Variants in DDX60 observed in about 807,000 individuals in gnomAD.
The protein encoded by DDX60 is DExD/H-box helicase 60, also known as probable ATP-dependent RNA helicase DDX60.
A neutral mutation model predicts 212.8 loss-of-function variants in DDX60; 165 were observed. The observed-to-expected ratio is 0.78, with a 90% confidence interval of 0.68 to 0.88. The LOEUF (loss-of-function observed/expected upper bound fraction) is 0.88, where lower values mean the gene tolerates loss of function less well. DDX60 is among the 40% of genes least tolerant of loss of function. The probability of loss-of-function intolerance (pLI) is 0.00; values close to 1 mark genes in which losing one functional copy is unlikely to be tolerated. For synonymous variants in DDX60, 703 were observed against 685.3 expected (o/e 1.03, Z -0.40); for missense variants, 1,905 against 2,003.9 (o/e 0.95, Z 0.94).
intron 37 of DDX60, among the ~76,000 whole-genome samples, chr4:168,219,471 A>G (rs903296040): frequency 6.6e-6 from 1 of 152,112 alleles, no homozygotes; most frequent in African/African-American, 2.4e-5. Flanking sequence ...CTCTGGAGAT[A>G]ATAACTTCAG....
At chr4:168,293,371 A>C (rs1736192151) in intron 7 of DDX60, among the ~76,000 whole-genome samples, 1 of 152,218 alleles carries the variant, frequency 6.6e-6, no homozygotes, top group Non-Finnish European at 1.5e-5. Context: ...GTTTGGTTTG[A>C]AAAATGTTAC....
At chr4:168,249,800 A>G (rs1214411894) in intron 28 of DDX60, among the ~76,000 whole-genome samples, 1 of 152,208 alleles carries the variant, frequency 6.6e-6, no homozygotes, top group African/African-American at 2.4e-5. Context: ...AAAGTTGCAA[A>G]TGCTACATCT....
chr4:168,286,422 CGAG>C (rs1560859622), intron 10 of DDX60, among the ~76,000 whole-genome samples: 125 of 57,846 alleles, frequency 2.2e-3, no homozygotes, highest in East Asian at 0.011. Context: ...ACACACCACA[CGAG>C]ATAGATAGAT....
intron 13 of DDX60, among the ~76,000 whole-genome samples, chr4:168,281,040 T>C (rs1332499204): frequency 6.6e-6 from 1 of 152,144 alleles, no homozygotes; most frequent in Admixed American, 6.5e-5. Flanking sequence ...CTTGGGAGGC[T>C]GAGGCATGAG....
the DDX60 span, among the ~76,000 whole-genome samples, chr4:168,325,643 CT>C: frequency 0.57 from 86,163 of 152,014 alleles, 25,650 homozygotes; most frequent in East Asian, 0.76. Flanking sequence ...CTGCCACAGG[CT>C]TTTTCAACAC....
At chr4:168,283,664 T>C (rs1579047487) in intron 12 of DDX60, 58 bp from the exon 13 acceptor site, 1 of 1,273,358 alleles carries the variant, frequency 7.9e-7, no homozygotes, top group African/African-American at 1.5e-5. Context: ...AGCATTCTCA[T>C]CAATTCTTCA....
rs1298760189 is a variant in DDX60, at chr4:168,273,982, CA to C, written c.2405del (p.Val802GlyfsTer2). 1.2e-6 allele frequency: 2 copies of C among 1,614,226 alleles called. No homozygotes were observed. The highest frequency in any genetic ancestry group is 1.7e-6 in the Non-Finnish European group (2 of 1,180,026). On this transcript the variant is annotated frameshift_variant, in exon 17 of 38. Coordinates refer to ENST00000393743, the MANE Select transcript of DDX60 (RefSeq NM_017631.6). LOFTEE classifies it high-confidence loss of function. ...TYASYYCMEKVLKESDDGVVV... is the reference protein window; with the variant it reads ...TYASYYCMEKXLKESDDGVVV... ...CCACCCCGTCGTCGCTCTCCTTCAG[CA>C]CTTTCTCCATACAGTAGTAGGAGGC...
Position 168,306,688 on chromosome 4 carries a change from T to G in DDX60, c.297A>C (p.Glu99Asp). 6.2e-7 allele frequency: 1 copy of G among 1,613,524 alleles called. No individual in the cohort carries two copies. The highest frequency in any genetic ancestry group is 8.5e-7 in the Non-Finnish European group (1 of 1,179,552). The change falls in exon 5 of 38, where the codon GAA becomes GAC. Residue 99 changes from glutamate to aspartate, a missense_variant. Glu to Asp is a conservative substitution (Grantham distance 45, BLOSUM62 2). Coordinates refer to ENST00000393743, the MANE Select transcript of DDX60 (RefSeq NM_017631.6). ...DAEYAYFNFP[E>D]LLSLRTALIL... Reference sequence around the variant, plus strand: ...TTAAAGCAGTTCTCAAAGAAAGAAGTTCAGGGAAGTTGAAATACGCATACT... The same window carrying G: ...TTAAAGCAGTTCTCAAAGAAAGAAGGTCAGGGAAGTTGAAATACGCATACT...
intron 33 of DDX60, among the ~76,000 whole-genome samples, chr4:168,233,297 T>C (rs1416280482): frequency 1.3e-5 from 2 of 152,146 alleles, no homozygotes; most frequent in Non-Finnish European, 2.9e-5. Context: ...GAAAACAGTA[T>C]GGAGATTCCT....
chr4:168,278,871 T>C (rs913874134), intron 14 of DDX60, among the ~76,000 whole-genome samples: 2 of 152,136 alleles, frequency 1.3e-5, no homozygotes, highest in East Asian at 1.9e-4. Context: ...AGAGGCTCCA[T>C]CTGCCAATGA....
chr4:168,297,378 G>GAA (rs997773887), intron 6 of DDX60, among the ~76,000 whole-genome samples: 2 of 53,876 alleles, frequency 3.7e-5, no homozygotes, highest in Non-Finnish European at 6.9e-5. Flanking sequence ...AAGAAAGAAA[G>GAA]AAAGAGAAAG....
In DDX60 at chr4:168,216,913, G is replaced by T. The variant is rs369028315; in HGVS notation, c.*20C>A. 1.4e-6 allele frequency: 2 copies of T among 1,470,570 alleles called. No homozygotes were observed. The highest frequency in any genetic ancestry group is 1.9e-6 in the Non-Finnish European group (2 of 1,078,458). 91.1% of individuals were successfully genotyped at this position (1,470,570 alleles called of 1,614,324 possible). A position where few individuals can be genotyped will look rare whatever the true frequency, so the allele number is the denominator to read the frequency against. ...AACTACTATGGAATTATTTTTAAGT[G>T]GTTTGCATAGACTTTGTTTTTAGAC... On this transcript the variant is annotated 3_prime_UTR_variant, in exon 38 of 38. Coordinates refer to ENST00000393743, the MANE Select transcript of DDX60 (RefSeq NM_017631.6).
chr4:168,320,918 T>C (rs1158538445), upstream of DDX60, among the ~76,000 whole-genome samples: 1 of 152,236 alleles, frequency 6.6e-6, no homozygotes. Flanking sequence ...CTCTATTACA[T>C]AATTTCATCA....
intron 23 of DDX60, 53 bp from the exon 24 acceptor site, chr4:168,262,181 G>A (rs1734650672): frequency 1.3e-6 from 2 of 1,545,636 alleles, no homozygotes; most frequent in African/African-American, 1.4e-5. Flanking sequence ...AAATCCAAAA[G>A]TATTTCTCAA....
Position 168,224,258 on chromosome 4 carries a change from T to C in DDX60, c.4809A>G (p.Leu1603=), listed in dbSNP as rs2149491081. 1 of 1,612,372 alleles carries C rather than the reference T, an allele frequency of 6.2e-7. No homozygotes were observed. The highest frequency in any genetic ancestry group is 1.1e-5 in the South Asian group (1 of 91,028). ...SGNFDDDLLR[L]ETPNHVTLGT... The stretch of plus-strand genomic sequence containing the variant: ...CTTCACTTACATGGTTTGGAGTTTC[T>C]AGTCGAAGCAAATCATCATCAAAGT... Residue 1603 remains leucine, a synonymous_variant, in exon 35 of 38, where the codon CTA becomes CTG. Transcript: ENST00000393743.
intron 15 of DDX60, 86 bp downstream of exon 15, chr4:168,275,928 AT>A (rs1735315356): frequency 8.2e-7 from 1 of 1,223,478 alleles, no homozygotes. Context: ...AAAAAAAAAA[AT>A]CTGGAAGAGA....
intron 11 of DDX60, 137 bp from the exon 12 acceptor site, chr4:168,285,072 A>C: frequency 1.8e-6 from 1 of 562,630 alleles, no homozygotes; most frequent in South Asian, 2.9e-5. Context: ...TAGACTCCAA[A>C]CAGCAGTTTA....
chr4:168,304,583 C>T (rs1736795176), intron 5 of DDX60, among the ~76,000 whole-genome samples: 1 of 152,022 alleles, frequency 6.6e-6, no homozygotes, highest in Admixed American at 6.6e-5. Flanking sequence ...CACCTGTAAT[C>T]CCAGCCACTC....
chr4:168,308,748 G>T (rs1737001930), intron 3 of DDX60, among the ~76,000 whole-genome samples: 1 of 148,016 alleles, frequency 6.8e-6, no homozygotes, highest in Non-Finnish European at 1.5e-5. Context: ...TATAAATACT[G>T]ATACATAGAT....
Sources: allele counts gnomAD v4.1 joint callset (sites outside exome capture counted in the v4.1 genomes callset), GRCh38; gene constraint gnomAD v4.1.1; transcripts MANE v1.5; gene names NCBI Gene and HGNC (gene_info 2026-07-23, HGNC 2026-07-21).